Variants in IGF2BP3 observed in about 807,000 individuals in gnomAD.
IGF2BP3 encodes insulin-like growth factor 2 mRNA-binding protein 3.
Under a neutral mutation model 73.8 loss-of-function variants are expected in IGF2BP3, and 9 were observed. That is an observed-to-expected ratio of 0.12 (90% confidence interval 0.07 to 0.21). IGF2BP3 has a LOEUF of 0.21. IGF2BP3 is among the 10% of genes least tolerant of loss of function. IGF2BP3 has a pLI of 1.00. For missense variants in IGF2BP3, 542 were observed against 714.0 expected, an observed-to-expected ratio of 0.76 and a Z score of 2.75; for synonymous variants, 258 against 256.7, an observed-to-expected ratio of 1.01 and a Z score of -0.05.
At chr7:23,425,191 C>A (rs1015614101) in intron 2 of IGF2BP3, among the ~76,000 whole-genome samples, 1 of 152,160 alleles carries the variant, frequency 6.6e-6, no homozygotes, top group African/African-American at 2.4e-5. Flanking sequence ...TATACATATG[C>A]ATACAGTTGA....
chr7:23,446,903 C>A (rs937168272), intron 2 of IGF2BP3, among the ~76,000 whole-genome samples: 23 of 152,070 alleles, frequency 1.5e-4, no homozygotes, highest in Admixed American at 8.5e-4. Flanking sequence ...GGAATTCCAT[C>A]AAAAATGCCT....
chr7:23,415,560 C>A, intron 3 of IGF2BP3: 1 of 267,404 alleles, frequency 3.7e-6, no homozygotes. Flanking sequence ...ATCCGCAGGT[C>A]CCTGTCTGTC....
At chr7:23,467,151 C>T (rs1302004579) in intron 2 of IGF2BP3, among the ~76,000 whole-genome samples, 2 of 152,146 alleles carry the variant, frequency 1.3e-5, no homozygotes, top group Non-Finnish European at 2.9e-5. Context: ...ACTCAAATCC[C>T]TTTCAATTAT....
chr7:23,404,144 TG>T (rs1032918657), intron 3 of IGF2BP3, among the ~76,000 whole-genome samples: 1 of 136,892 alleles, frequency 7.3e-6, no homozygotes, highest in African/African-American at 2.7e-5. Flanking sequence ...AAAAATCAAA[TG>T]GAAAAAAAAA....
At chr7:23,325,091 G>A (rs1784258260) in intron 10 of IGF2BP3, among the ~76,000 whole-genome samples, 1 of 151,930 alleles carries the variant, frequency 6.6e-6, no homozygotes. Context: ...GCAGGAGAAG[G>A]AAATAAAGGG....
chr7:23,317,155 G>A (rs1270666802), intron 12 of IGF2BP3, among the ~76,000 whole-genome samples: 4 of 152,126 alleles, frequency 2.6e-5, no homozygotes, highest in South Asian at 2.1e-4. Flanking sequence ...GTTCATACCA[G>A]AACAAATGCT....
chr7:23,407,871 G>A (rs1056256186), intron 3 of IGF2BP3, among the ~76,000 whole-genome samples: 1 of 132,022 alleles, frequency 7.6e-6, no homozygotes, highest in Non-Finnish European at 1.5e-5. Context: ...ATTAAACCAA[G>A]CAAAAAGAAT....
chr7:23,347,824 G>A, intron 6 of IGF2BP3, 90 bp from the exon 7 acceptor site: 1 of 1,482,258 alleles, frequency 6.7e-7, no homozygotes, highest in Non-Finnish European at 9.2e-7. Context: ...AAGTCATAGG[G>A]CTTCAGGGCA....
In IGF2BP3 at chr7:23,340,548, G is replaced by C. The variant is rs144031808; in HGVS notation, c.1203+1516C>G. ...TGGAATCACCAACCTATTCCACCTGGACATTTCCCCAAATTGGTGTAAGAG... is the reference window on the plus strand; with the variant it reads ...TGGAATCACCAACCTATTCCACCTGCACATTTCCCCAAATTGGTGTAAGAG... On this transcript the variant is annotated intron_variant, in intron 10 of 14. Coordinates refer to ENST00000258729, the MANE Select transcript of IGF2BP3 (RefSeq NM_006547.3). Among the ~76,000 whole-genome samples the C allele has an allele frequency of 9.0e-3, 1,368 of 152,094 alleles. 20 individuals carry two copies. Among genetic ancestry groups the C allele is most frequent in the African/African-American group, 0.031 (1,286 of 41,432 alleles).
chr7:23,375,083 A>C (rs1785677595), intron 3 of IGF2BP3, among the ~76,000 whole-genome samples: 2 of 152,224 alleles, frequency 1.3e-5, no homozygotes, highest in Admixed American at 1.3e-4. Context: ...TTAAATTTTC[A>C]CACTAGAGTG....
At chr7:23,402,175 A>T (rs1233556721) in intron 3 of IGF2BP3, 1 of 152,172 alleles carries the variant, frequency 6.6e-6, no homozygotes, top group African/African-American at 2.4e-5. Flanking sequence ...CTTAATACAT[A>T]GCTCAGAGAT....
rs547647445 is a variant in IGF2BP3, at chr7:23,455,223, C to T, written c.236+13259G>A. Among the ~76,000 whole-genome samples, 4 of 152,332 alleles carry T rather than the reference C, an allele frequency of 2.6e-5. No homozygotes were observed. In the East Asian group the frequency reaches 5.8e-4, roughly 22 times the overall value. On this transcript the variant is annotated intron_variant, in intron 2 of 14. Coordinates refer to ENST00000258729, the MANE Select transcript of IGF2BP3 (RefSeq NM_006547.3). ...TGAGAATAATGCAGTCACTCCATCACGCACGCAGGCTGCTCCAGCTGCCCT... is the reference window on the plus strand; with the variant it reads ...TGAGAATAATGCAGTCACTCCATCATGCACGCAGGCTGCTCCAGCTGCCCT...
chr7:23,452,712 G>A (rs1417479634), intron 2 of IGF2BP3, among the ~76,000 whole-genome samples: 2 of 150,834 alleles, frequency 1.3e-5, no homozygotes, highest in African/African-American at 2.4e-5. Context: ...TAAGGCAGGA[G>A]AATCGCTTGA....
chr7:23,341,849 C>T (rs1293139076), intron 10 of IGF2BP3, among the ~76,000 whole-genome samples: 1 of 152,172 alleles, frequency 6.6e-6, no homozygotes, highest in Admixed American at 6.5e-5. Context: ...AAGTCCCAAA[C>T]TTTTGTTGTG....
At position 23,361,575 on chromosome 7, in the gene IGF2BP3, T is replaced by A. The variant is rs1284867417; in HGVS notation, c.360A>T (p.Ala120=). ...CEQVNTDSET[A]VVNVTYSSKD... ...TACTGGAATAGGTTACATTTACAACTGCAGTTTCCGAGTCAGTGTTCACTA... is the reference window on the plus strand; with the variant it reads ...TACTGGAATAGGTTACATTTACAACAGCAGTTTCCGAGTCAGTGTTCACTA... Residue 120 remains alanine, a synonymous_variant, in exon 5 of 15, where the codon GCA becomes GCT. Coordinates refer to ENST00000258729, the MANE Select transcript of IGF2BP3 (RefSeq NM_006547.3). The A allele has an allele frequency of 6.2e-7, 1 of 1,613,302 alleles. No homozygotes were observed.
intron 2 of IGF2BP3, among the ~76,000 whole-genome samples, chr7:23,428,183 CAA>C (rs1432232316): frequency 3.3e-5 from 5 of 150,850 alleles, no homozygotes; most frequent in African/African-American, 1.2e-4. Context: ...TCTCAAAAAA[CAA>C]AAAAAGCCAG....
chr7:23,448,207 A>AT, intron 2 of IGF2BP3, among the ~76,000 whole-genome samples: 1 of 152,246 alleles, frequency 6.6e-6, no homozygotes, highest in Non-Finnish European at 1.5e-5. Flanking sequence ...TCATTATTAG[A>AT]TTTTGTTAAA....
At chr7:23,348,793 A>G (rs979573107) in intron 6 of IGF2BP3, among the ~76,000 whole-genome samples, 1 of 152,190 alleles carries the variant, frequency 6.6e-6, no homozygotes, top group African/African-American at 2.4e-5. Context: ...GTTGAGAACC[A>G]CTGGCATGGG....
chr7:23,408,517 C>T (rs961064982), intron 3 of IGF2BP3, among the ~76,000 whole-genome samples: 1 of 152,030 alleles, frequency 6.6e-6, no homozygotes, highest in Admixed American at 6.6e-5. Context: ...TTGAAGTGGA[C>T]ATGGAGAAGT....
Sources: allele counts gnomAD v4.1 joint callset (sites outside exome capture counted in the v4.1 genomes callset), GRCh38; gene constraint gnomAD v4.1.1; transcripts MANE v1.5; gene names NCBI Gene and HGNC (gene_info 2026-07-23, HGNC 2026-07-21).